Variants in ZNF106 observed in about 807,000 individuals in gnomAD.
ZNF106 encodes zinc finger protein 106, also known as SH3-domain binding protein 3.
Under a neutral mutation model 195.1 loss-of-function variants are expected in ZNF106, and 67 were observed. The observed-to-expected ratio is 0.34, with a 90% CI of 0.28 to 0.42. ZNF106 has a LOEUF of 0.42. ZNF106 is among the 10% of genes least tolerant of loss of function. The probability of loss-of-function intolerance (pLI) is 1.00; values close to 1 mark genes in which losing one functional copy is unlikely to be tolerated. For missense variants in ZNF106, 2,118 were observed against 2,304.5 expected, an observed-to-expected ratio of 0.92 and a Z score of 1.66; for synonymous variants, 784 against 818.6, an observed-to-expected ratio of 0.96 and a Z score of 0.72.
At chr15:42,449,261 T>G (rs2055892203) in intron 5 of ZNF106, among the ~76,000 whole-genome samples, 1 of 152,144 alleles carries the variant, frequency 6.6e-6, no homozygotes, top group African/African-American at 2.4e-5. Context: ...CAACATAAGA[T>G]GAAGAGCCAA....
intron 1 of ZNF106, among the ~76,000 whole-genome samples, chr15:42,477,371 T>C (rs956404843): frequency 6.6e-6 from 1 of 152,186 alleles, no homozygotes; most frequent in Non-Finnish European, 1.5e-5. Flanking sequence ...TTAATAAACA[T>C]TTTATTTTAG....
chr15:42,486,116 C>G (rs2141464745), intron 1 of ZNF106, among the ~76,000 whole-genome samples: 1 of 152,196 alleles, frequency 6.6e-6, no homozygotes, highest in Admixed American at 6.5e-5. Context: ...TGTACCACCA[C>G]ACCCAGCTAA....
chr15:42,484,132 T>C (rs2056960994), intron 1 of ZNF106, among the ~76,000 whole-genome samples: 2 of 152,238 alleles, frequency 1.3e-5, no homozygotes, highest in African/African-American at 4.8e-5. Flanking sequence ...TCCCCAGTGT[T>C]CTGATCAGCC....
Position 42,457,005 on chromosome 15 carries a change from A to G in ZNF106, c.270T>C (p.Phe90=), listed in dbSNP as rs1567022189. 6.2e-7 allele frequency: 1 copy of G among 1,611,646 alleles called. No homozygotes were observed. The highest frequency in any genetic ancestry group is 1.7e-5 in the Admixed American group (1 of 59,576). Residue 90 remains phenylalanine (F), a synonymous_variant, in exon 4 of 22, where the codon TTT becomes TTC. Coordinates refer to ENST00000564754, the MANE Select transcript of ZNF106 (RefSeq NM_001366845.3). ...GKGEEEEEDY[F]DKELIQLIKQ... ...TTATTAACTGAATGAGTTCCTTGTC[A>G]AAATAATCTTCTTCCTCTTCCTCTC... is the stretch of plus-strand genomic sequence containing the variant.
intron 14 of ZNF106, among the ~76,000 whole-genome samples, chr15:42,433,644 G>T (rs984169519): frequency 1.1e-4 from 16 of 150,392 alleles, no homozygotes; most frequent in African/African-American, 3.7e-4. Context: ...CACCACACCC[G>T]ACTAATTTTC....
At chr15:42,473,398 T>C (rs1315465453) in intron 1 of ZNF106, among the ~76,000 whole-genome samples, 1 of 152,216 alleles carries the variant, frequency 6.6e-6, no homozygotes, top group African/African-American at 2.4e-5. Context: ...ATCATTCGCA[T>C]GCCCTCCCGT....
At chr15:42,475,929 T>C (rs2056776195) in intron 1 of ZNF106, among the ~76,000 whole-genome samples, 2 of 152,184 alleles carry the variant, frequency 1.3e-5, no homozygotes, top group African/African-American at 2.4e-5. Flanking sequence ...ATATATTTAC[T>C]TGGTTGAAAA....
At chr15:42,443,273 T>C (rs779853131) in intron 9 of ZNF106, among the ~76,000 whole-genome samples, 2 of 152,162 alleles carry the variant, frequency 1.3e-5, no homozygotes, top group African/African-American at 2.4e-5. Context: ...ATCAAAACTC[T>C]TTCCATAACA....
chr15:42,475,703 G>A (rs572220561), intron 1 of ZNF106, among the ~76,000 whole-genome samples: 6 of 152,200 alleles, frequency 3.9e-5, no homozygotes, highest in South Asian at 4.1e-4. Flanking sequence ...ACTTACATGC[G>A]TTATTTTGTT....
At chr15:42,435,567 T>C (rs1244700976) in intron 13 of ZNF106, 49 bp from the exon 14 acceptor site, 2 of 1,605,128 alleles carry the variant, frequency 1.2e-6, no homozygotes, top group Non-Finnish European at 1.7e-6. Context: ...TATAGGAGGA[T>C]TAGATAATAT....
chr15:42,420,838 C>T (rs375476296), intron 20 of ZNF106, among the ~76,000 whole-genome samples: 1 of 152,076 alleles, frequency 6.6e-6, no homozygotes, highest in East Asian at 1.9e-4. Flanking sequence ...AGCACTTCCG[C>T]TTTTTATTTC....
rs552639875 is a variant in ZNF106, at chr15:42,415,122, C to G, written c.*2182G>C. On this transcript the variant is annotated 3_prime_UTR_variant, in exon 22 of 22. Coordinates refer to ENST00000564754, the MANE Select transcript of ZNF106 (RefSeq NM_001366845.3). ...CCATTCATTATCTCCTAGATTAACTCTTTTTTTTTTTTTTTTGAGGTGGAG... is the reference window on the plus strand; with the variant it reads ...CCATTCATTATCTCCTAGATTAACTGTTTTTTTTTTTTTTTTGAGGTGGAG... 6.2e-6 allele frequency: 1 copy of G among 161,116 alleles called. No homozygotes were observed. Among genetic ancestry groups the G allele is most frequent in the Non-Finnish European group, 1.3e-5 (1 of 78,228 alleles). The allele number at this position is 161,116 out of a possible 1,614,324, so 10.0% of individuals were successfully genotyped here.
rs752201483 is a variant in ZNF106 at position 42,450,844 on chromosome 15, T to C, written c.1428A>G (p.Pro476=). ...ATTTAGTGGCTGGACATGGAAGGAGTGGGGATTTCAATGATGGCATTTTAT... is the reference window on the plus strand; with the variant it reads ...ATTTAGTGGCTGGACATGGAAGGAGCGGGGATTTCAATGATGGCATTTTAT... ...TPNKMPSLKS[P]LLPCPATKSL... is the part of the protein sequence containing the mutation. The change falls in exon 5 of 22, where the codon CCA becomes CCG. Residue 476 remains proline (P), a synonymous_variant. Transcript: ENST00000564754. 2 of 1,613,896 alleles carry C rather than the reference T, an allele frequency of 1.2e-6. No homozygotes were observed. The highest frequency in any genetic ancestry group is 1.7e-6 in the Non-Finnish European group (2 of 1,179,966).
chr15:42,484,933 C>A (rs774781025), intron 1 of ZNF106, among the ~76,000 whole-genome samples: 1 of 152,204 alleles, frequency 6.6e-6, no homozygotes, highest in South Asian at 2.1e-4. Flanking sequence ...CGGAGGCGGG[C>A]GGATCGGTAG....
intron 1 of ZNF106, among the ~76,000 whole-genome samples, chr15:42,478,299 G>A (rs1242833598): frequency 6.6e-6 from 1 of 151,528 alleles, no homozygotes; most frequent in East Asian, 2.0e-4. Context: ...AAGTAGCTGG[G>A]ACTACAGGCA....
At chr15:42,456,485 C>T (rs1225299256) in intron 4 of ZNF106, among the ~76,000 whole-genome samples, 2 of 151,880 alleles carry the variant, frequency 1.3e-5, no homozygotes, top group Non-Finnish European at 2.9e-5. Context: ...CTCGTCTCTA[C>T]TAAAAATGCA....
At chr15:42,418,023 T>G in intron 20 of ZNF106, 72 bp from the exon 21 acceptor site, 1 of 1,474,292 alleles carries the variant, frequency 6.8e-7, no homozygotes, top group African/African-American at 1.4e-5. Flanking sequence ...AGCCCCCAGC[T>G]GGATCCCATA....
intron 6 of ZNF106, 92 bp downstream of exon 6, chr15:42,447,980 A>G: frequency 1.4e-6 from 2 of 1,397,828 alleles, no homozygotes; most frequent in Non-Finnish European, 1.9e-6. Context: ...TCACAATCCC[A>G]GATACCCAAG....
At chr15:42,474,068 G>C (rs1003377057) in intron 1 of ZNF106, among the ~76,000 whole-genome samples, 6 of 152,130 alleles carry the variant, frequency 3.9e-5, no homozygotes, top group African/African-American at 1.4e-4. Context: ...CCATCTTGGG[G>C]GCTCCAGGTC....
Sources: gnomAD v4.1 joint callset for allele counts (sites outside exome capture counted in the v4.1 genomes callset) on GRCh38, gnomAD v4.1.1 for gene constraint, MANE v1.5 for transcripts, NCBI Gene and HGNC (gene_info 2026-07-23, HGNC 2026-07-21) for gene names.